Variants in BBS9 observed in about 807,000 individuals in gnomAD.
The protein encoded by BBS9 is Bardet-Biedl syndrome 9.
BBS9 carries 89 observed loss-of-function variants against 117.7 expected under a neutral mutation model. The ratio of observed to expected loss-of-function variants is 0.76; its 90% CI spans 0.64 to 0.90. The LOEUF (loss-of-function observed/expected upper bound fraction) is 0.90. Ranked by LOEUF, BBS9 falls within the 40% of genes least tolerant of loss-of-function variation. The pLI, the probability that BBS9 is intolerant of heterozygous loss-of-function variation, is 0.00. For synonymous variants in BBS9, 379 were observed against 370.9 expected, an observed-to-expected ratio of 1.02 and a Z score of -0.25; for missense variants, 982 against 1,042.2, an observed-to-expected ratio of 0.94 and a Z score of 0.80.
At chr7:33,507,479 A>G (rs1846311031) in intron 20 of BBS9, among the ~76,000 whole-genome samples, 1 of 152,136 alleles carries the variant, frequency 6.6e-6, no homozygotes, top group Non-Finnish European at 1.5e-5. Context: ...CTTGACCTCA[A>G]GTGATCCTTC....
chr7:33,225,494 C>T (rs1417781689), intron 5 of BBS9, among the ~76,000 whole-genome samples: 1 of 152,132 alleles, frequency 6.6e-6, no homozygotes, highest in Non-Finnish European at 1.5e-5. Context: ...CCACTGCACT[C>T]ATCTGAAGTT....
rs149191847 is a variant in BBS9 at position 33,301,529 on chromosome 7, C to T, written c.1016+27573C>T. ...GTGAGAACATGCAAACTTTGTCTTTCTGTGCCTGGCTTATTTCACTTAACA... is the reference window on the plus strand; with the variant it reads ...GTGAGAACATGCAAACTTTGTCTTTTTGTGCCTGGCTTATTTCACTTAACA... On this transcript the variant is annotated intron_variant, in intron 9 of 22. Transcript: ENST00000242067. Among the ~76,000 whole-genome samples the T allele has an allele frequency of 2.8e-3, 422 of 152,306 alleles. 1 individual carries two copies. The highest frequency in any genetic ancestry group is 9.9e-3 in the African/African-American group (411 of 41,566).
intron 19 of BBS9, among the ~76,000 whole-genome samples, chr7:33,424,419 G>T (rs2128864166): frequency 6.6e-6 from 1 of 152,228 alleles, no homozygotes; most frequent in South Asian, 2.1e-4. Flanking sequence ...AGATTCCTGA[G>T]CTCCACCCTT....
At chr7:33,211,917 T>G (rs1788101588) in intron 5 of BBS9, among the ~76,000 whole-genome samples, 1 of 152,226 alleles carries the variant, frequency 6.6e-6, no homozygotes, top group Non-Finnish European at 1.5e-5. Flanking sequence ...GCCTGTAAGT[T>G]TCCACTGAAA....
intron 21 of BBS9, among the ~76,000 whole-genome samples, chr7:33,618,163 G>A (rs1298328684): frequency 6.6e-6 from 1 of 152,038 alleles, no homozygotes; most frequent in African/African-American, 2.4e-5. Flanking sequence ...AACATAGTGA[G>A]ACTCTGTCTC....
intron 19 of BBS9, among the ~76,000 whole-genome samples, chr7:33,415,292 A>C (rs538577959): frequency 7.2e-5 from 11 of 152,316 alleles, no homozygotes; most frequent in Non-Finnish European, 1.3e-4. Flanking sequence ...TAGAAATACA[A>C]ACTGAGAACT....
At chr7:33,257,988 T>A (rs78012437) in intron 6 of BBS9, among the ~76,000 whole-genome samples, 2 of 152,216 alleles carry the variant, frequency 1.3e-5, no homozygotes, top group Non-Finnish European at 2.9e-5. Flanking sequence ...TTTATACTTA[T>A]TCGCTAGAAA....
At chr7:33,327,342 C>G (rs1813064432) in intron 9 of BBS9, among the ~76,000 whole-genome samples, 1 of 152,066 alleles carries the variant, frequency 6.6e-6, no homozygotes, top group South Asian at 2.1e-4. Context: ...TGGAAAGTTA[C>G]TATAGAGGCA....
In BBS9 at chr7:33,334,390, G is replaced by GA. The variant is rs768089789; in HGVS notation, c.1017-2049dup. ...AACTGATGAATCTCACATTCTCTGA[G>GA]AAGCCCCCCCCAGAGGTCTGCGCTT... is the stretch of plus-strand genomic sequence containing the variant. On this transcript the variant is annotated intron_variant, in intron 9 of 22. Coordinates refer to ENST00000242067, the MANE Select transcript of BBS9 (RefSeq NM_198428.3). 6.7e-3 allele frequency among the ~76,000 whole-genome samples: 1,019 copies of GA among 152,284 alleles called. 9 individuals are homozygous for GA. Among genetic ancestry groups the GA allele is most frequent in the Non-Finnish European group, 9.6e-3 (656 of 68,020 alleles).
intron 1 of BBS9, among the ~76,000 whole-genome samples, chr7:33,142,245 G>A (rs559668981): frequency 3.3e-5 from 5 of 152,020 alleles, no homozygotes; most frequent in Non-Finnish European, 5.9e-5. Flanking sequence ...ATATTGGTAT[G>A]GTGTAGATGT....
intron 21 of BBS9, among the ~76,000 whole-genome samples, chr7:33,574,721 A>ACACGCG (rs1858462340): frequency 7.3e-6 from 1 of 136,460 alleles, no homozygotes; most frequent in Non-Finnish European, 1.5e-5. Context: ...ACACACACAC[A>ACACGCG]CACACGCGCA....
At chr7:33,462,037 A>G (rs966966719) in intron 19 of BBS9, among the ~76,000 whole-genome samples, 1 of 152,056 alleles carries the variant, frequency 6.6e-6, no homozygotes, top group African/African-American at 2.4e-5. Flanking sequence ...CATCTTTATG[A>G]TATTCAAACA....
chr7:33,476,847 G>A (rs755963333), intron 19 of BBS9, among the ~76,000 whole-genome samples: 72 of 152,324 alleles, frequency 4.7e-4, no homozygotes, highest in Non-Finnish European at 9.6e-4. Flanking sequence ...TGTAAATTAA[G>A]TATGTATATA....
intron 9 of BBS9, among the ~76,000 whole-genome samples, chr7:33,286,441 T>C (rs941155098): frequency 3.3e-5 from 5 of 152,148 alleles, no homozygotes; most frequent in African/African-American, 1.2e-4. Context: ...TTCTATCAGG[T>C]TAGTGACTTT....
intron 5 of BBS9, among the ~76,000 whole-genome samples, chr7:33,231,076 C>G (rs1792290715): frequency 6.6e-6 from 1 of 152,100 alleles, no homozygotes; most frequent in African/African-American, 2.4e-5. Flanking sequence ...ACATCTGTGC[C>G]GATATCTATT....
At chr7:33,517,433 A>G (rs937622707) in intron 20 of BBS9, among the ~76,000 whole-genome samples, 1 of 152,210 alleles carries the variant, frequency 6.6e-6, no homozygotes, top group African/African-American at 2.4e-5. Context: ...TGCTCAGCCA[A>G]TGACTGATAG....
At chr7:33,244,446 C>A (rs1338659705) in intron 5 of BBS9, among the ~76,000 whole-genome samples, 2 of 152,076 alleles carry the variant, frequency 1.3e-5, no homozygotes, top group African/African-American at 4.8e-5. Flanking sequence ...CCTAACCTTC[C>A]TCTGGGATCT....
intron 5 of BBS9, among the ~76,000 whole-genome samples, chr7:33,250,267 C>A (rs1474723675): frequency 6.6e-6 from 1 of 152,096 alleles, no homozygotes; most frequent in East Asian, 1.9e-4. Flanking sequence ...AAAATTATAA[C>A]TAATAATGCT....
intron 21 of BBS9, among the ~76,000 whole-genome samples, chr7:33,632,163 T>C (rs1250400572): frequency 6.6e-6 from 1 of 152,128 alleles, no homozygotes; most frequent in African/African-American, 2.4e-5. Context: ...GTGTTTCCCT[T>C]CTGTCCTTCC....
Sources: gnomAD v4.1 joint callset for allele counts (sites outside exome capture counted in the v4.1 genomes callset) on GRCh38, gnomAD v4.1.1 for gene constraint, MANE v1.5 for transcripts, NCBI Gene and HGNC (gene_info 2026-07-23, HGNC 2026-07-21) for gene names.